The following MCEE variants were observed in gnomAD, a reference collection of about 807,000 sequenced individuals.
MCEE encodes methylmalonyl-CoA epimerase, mitochondrial.
In MCEE, 6 loss-of-function variants were observed where a neutral mutation model predicts 12.9. The ratio of observed to expected loss-of-function variants is 0.47; its 90% CI spans 0.26 to 0.92. The LOEUF (loss-of-function observed/expected upper bound fraction) is 0.92, where lower values mean the gene tolerates loss of function less well. Ranked by LOEUF, MCEE falls within the 40% of genes least tolerant of loss-of-function variation. The pLI is 0.16. For missense variants in MCEE, 214 were observed against 212.1 expected, an observed-to-expected ratio of 1.01 and a Z score of -0.05; for synonymous variants, 78 against 77.9, an observed-to-expected ratio of 1.00 and a Z score of -0.01.
In MCEE at chr2:71,112,705, G is replaced by A. The variant is rs1249810040; in HGVS notation, c.379-2583C>T. Among the ~76,000 whole-genome samples the A allele has an allele frequency of 3.3e-5, 5 of 152,282 alleles. No individual in the cohort carries two copies. The East Asian group carries it at 9.7e-4, about 29-fold the overall frequency. Reference sequence around the variant, plus strand: ...CCCGACTTGGCCTCCCACAATGCTGGGATTACAGGCGTGAGCCACTGTTGC... The same window carrying A: ...CCCGACTTGGCCTCCCACAATGCTGAGATTACAGGCGTGAGCCACTGTTGC... On this transcript the variant is annotated intron_variant, in intron 2 of 2. Coordinates refer to ENST00000244217, the MANE Select transcript of MCEE (RefSeq NM_032601.4).
intron 2 of MCEE, among the ~76,000 whole-genome samples, chr2:71,114,952 C>G (rs1672961142): frequency 6.6e-6 from 1 of 152,214 alleles, no homozygotes; most frequent in South Asian, 2.1e-4. Flanking sequence ...TTTGATAACT[C>G]CTATGCTACA....
chr2:71,120,240 C>A (rs2103630219), intron 2 of MCEE, among the ~76,000 whole-genome samples: 1 of 150,226 alleles, frequency 6.7e-6, no homozygotes, highest in East Asian at 1.9e-4. Flanking sequence ...TTAAAGTCTT[C>A]ACTGTGACAC....
At chr2:71,115,830 G>T (rs1308235754) in intron 2 of MCEE, among the ~76,000 whole-genome samples, 1 of 149,142 alleles carries the variant, frequency 6.7e-6, no homozygotes, top group Non-Finnish European at 1.5e-5. Context: ...GGGGGAAAGG[G>T]GGGGATAACA....
intron 1 of MCEE, among the ~76,000 whole-genome samples, chr2:71,126,185 T>C (rs888537376): frequency 4.6e-5 from 7 of 152,224 alleles, no homozygotes; most frequent in South Asian, 4.1e-4. Context: ...ATGTGATAGT[T>C]GCACTAACCC....
rs888119130 is a variant in MCEE, at chr2:71,121,645, T to C, written c.378+2561A>G. Among the ~76,000 whole-genome samples, 5 of 151,000 alleles carry C rather than the reference T, an allele frequency of 3.3e-5. No individual in the cohort carries two copies. The East Asian group carries it at 9.8e-4, about 30-fold the overall frequency. On this transcript the variant is annotated intron_variant, in intron 2 of 2. Coordinates refer to ENST00000244217, the MANE Select transcript of MCEE (RefSeq NM_032601.4). ...AACTAAATCACATAGCTGAACTCCT[T>C]TGAAAGCATGGGCTCTCTTGATGGA... is the stretch of plus-strand genomic sequence containing the variant.
chr2:71,116,556 T>TC (rs1297170219), intron 2 of MCEE, among the ~76,000 whole-genome samples: 3 of 148,446 alleles, frequency 2.0e-5, no homozygotes, highest in Non-Finnish European at 4.4e-5. Context: ...AACTTTTTTT[T>TC]TTTTTTTTTG....
chr2:71,129,366 G>A (rs983839316), intron 1 of MCEE, among the ~76,000 whole-genome samples: 1 of 152,050 alleles, frequency 6.6e-6, no homozygotes, highest in Non-Finnish European at 1.5e-5. Flanking sequence ...TAAGAATGTG[G>A]GCTCTGGTGC....
chr2:71,109,921 T>C lies in MCEE; in HGVS notation c.*49A>G, dbSNP rs1672851466. On this transcript the variant is annotated 3_prime_UTR_variant, in exon 3 of 3. Coordinates refer to ENST00000244217, the MANE Select transcript of MCEE (RefSeq NM_032601.4). ...AATGTCATAGTACATTTTGATAGTA[T>C]TTGATAGGCTTTTTCAGGTCAATTA... 6.3e-7 allele frequency: 1 copy of C among 1,598,244 alleles called. No individual in the cohort carries two copies. The highest frequency in any genetic ancestry group is 1.1e-5 in the South Asian group (1 of 90,712).
At chr2:71,115,305 TG>T (rs1672969228) in intron 2 of MCEE, among the ~76,000 whole-genome samples, 1 of 152,174 alleles carries the variant, frequency 6.6e-6, no homozygotes, top group African/African-American at 2.4e-5. Context: ...GAGGACTGCT[TG>T]AGCCCAGGTT....
At chr2:71,116,218 C>T (rs1437260437) in intron 2 of MCEE, among the ~76,000 whole-genome samples, 1 of 149,550 alleles carries the variant, frequency 6.7e-6, no homozygotes, top group Non-Finnish European at 1.5e-5. Flanking sequence ...GTAGTAGGTG[C>T]CCGCCACCAC....
At chr2:71,125,885 C>T (rs553553543) in intron 1 of MCEE, among the ~76,000 whole-genome samples, 1 of 152,150 alleles carries the variant, frequency 6.6e-6, no homozygotes, top group Non-Finnish European at 1.5e-5. Flanking sequence ...ATCATGAAAT[C>T]CAAGTGGATT....
intron 2 of MCEE, among the ~76,000 whole-genome samples, chr2:71,120,037 AGT>A (rs1673067796): frequency 6.7e-6 from 1 of 149,954 alleles, no homozygotes; most frequent in Non-Finnish European, 1.5e-5. Context: ...TGGGTGACAC[AGT>A]GAGACCCTCT....
At chr2:71,118,194 C>T (rs1673032663) in intron 2 of MCEE, among the ~76,000 whole-genome samples, 1 of 150,018 alleles carries the variant, frequency 6.7e-6, no homozygotes, top group African/African-American at 2.5e-5. Flanking sequence ...GCTCCCATAC[C>T]AGGCCACTCC....
chr2:71,115,852 A>C (rs1672981479), intron 2 of MCEE, among the ~76,000 whole-genome samples: 1 of 149,478 alleles, frequency 6.7e-6, no homozygotes, highest in Non-Finnish European at 1.5e-5. Context: ...TAAGAGAAAT[A>C]TCTAATGTAG....
chr2:71,126,556 T>C (rs1473838184), intron 1 of MCEE, among the ~76,000 whole-genome samples: 1 of 117,842 alleles, frequency 8.5e-6, no homozygotes, highest in African/African-American at 3.4e-5. Flanking sequence ...GGTTTTGTTA[T>C]GTACATTTTA....
At chr2:71,118,833 C>T (rs1022235518) in intron 2 of MCEE, among the ~76,000 whole-genome samples, 1 of 150,060 alleles carries the variant, frequency 6.7e-6, no homozygotes, top group African/African-American at 2.5e-5. Flanking sequence ...GCCCTCCTCA[C>T]TCTGACACTG....
Position 71,110,118 on chromosome 2 carries a change from T to C in MCEE, c.383A>G (p.Asp128Gly). 1 of 1,611,982 alleles carries C rather than the reference T, an allele frequency of 6.2e-7. No individual in the cohort carries two copies. The highest frequency in any genetic ancestry group is 1.7e-5 in the Admixed American group (1 of 59,984). ...ATCCATCACAGCTGCATTAATATTA[T>C]CCACCTTAAGAAAGGGAAATAAATT... is the stretch of plus-strand genomic sequence containing the variant. ...GGMHHICIEV[D>G]NINAAVMDLK... is the part of the protein sequence containing the mutation. The change falls in exon 3 of 3, where the codon GAT becomes GGT. Residue 128 changes from aspartate (D) to glycine (G), a missense_variant. Asp to Gly is a moderately conservative substitution (Grantham distance 94). Transcript: ENST00000244217.
intron 2 of MCEE, among the ~76,000 whole-genome samples, chr2:71,115,733 G>A (rs1163585247): frequency 7.0e-6 from 1 of 143,606 alleles, no homozygotes; most frequent in Non-Finnish European, 1.5e-5. Flanking sequence ...TTCAAACACT[G>A]CATGTTCTCA....
intron 1 of MCEE, among the ~76,000 whole-genome samples, chr2:71,127,633 TG>T (rs1474172653): frequency 4.3e-5 from 5 of 115,380 alleles, no homozygotes; most frequent in African/African-American, 1.3e-4. Flanking sequence ...GTAATAAGTT[TG>T]TTTGTTTTTT....
Sources: allele counts gnomAD v4.1 joint callset (sites outside exome capture counted in the v4.1 genomes callset), GRCh38; gene constraint gnomAD v4.1.1; transcripts MANE v1.5; gene names NCBI Gene and HGNC (gene_info 2026-07-23, HGNC 2026-07-21).